Variants in RUFY3 observed in about 807,000 individuals in gnomAD.
The protein encoded by RUFY3 is protein RUFY3.
Under a neutral mutation model 84.0 loss-of-function variants are expected in RUFY3, and 34 were observed. The ratio of observed to expected loss-of-function variants is 0.40; its 90% CI spans 0.31 to 0.54. RUFY3 has a LOEUF of 0.54. Among genes scored for constraint, RUFY3 ranks in the 20% least tolerant of loss-of-function variants. The pLI, the probability that RUFY3 is intolerant of heterozygous loss-of-function variation, is 0.39. For synonymous variants in RUFY3, 242 were observed against 252.9 expected (o/e 0.96, Z 0.41); for missense variants, 507 against 736.8 (o/e 0.69, Z 3.61).
At chr4:70,719,965 A>T (rs1487361555), upstream of RUFY3, among the ~76,000 whole-genome samples, 1 of 152,192 alleles carries the variant, frequency 6.6e-6, no homozygotes, top group Non-Finnish European at 1.5e-5. Flanking sequence ...AGAGAATGAG[A>T]TAGAAATAAA....
At chr4:70,708,887 A>T (rs979528687) in intron 1 of RUFY3, among the ~76,000 whole-genome samples, 8 of 152,088 alleles carry the variant, frequency 5.3e-5, no homozygotes, top group African/African-American at 1.9e-4. Flanking sequence ...ACAAAAAAAA[A>T]ATTTTTTAAA....
intron 14 of RUFY3, among the ~76,000 whole-genome samples, chr4:70,798,567 A>G (rs1420198108): frequency 6.6e-6 from 1 of 152,112 alleles, no homozygotes; most frequent in Non-Finnish European, 1.5e-5. Flanking sequence ...GGATTGCCTG[A>G]GCCCAGGAGT....
chr4:70,740,182 A>G (rs1377836455), intron 1 of RUFY3, among the ~76,000 whole-genome samples: 1 of 151,596 alleles, frequency 6.6e-6, no homozygotes, highest in African/African-American at 2.4e-5. Context: ...CTATTGTAGT[A>G]AAGTCCTGAG....
rs142102040 is a variant in RUFY3, at chr4:70,743,108, G to A, written c.179-19411G>A. On this transcript the variant is annotated intron_variant, in intron 1 of 17. Coordinates refer to ENST00000381006, the MANE Select transcript of RUFY3 (RefSeq NM_001037442.4). The stretch of plus-strand genomic sequence containing the variant: ...TTTTGAAATGGAATCTCACTCCATC[G>A]TCCAGGCTGCGGTGCAGTGGAGCGA... Among the ~76,000 whole-genome samples, 380 of 151,960 alleles carry A rather than the reference G, an allele frequency of 2.5e-3. 1 individual carries two copies. Among genetic ancestry groups the A allele is most frequent in the African/African-American group, 8.7e-3 (362 of 41,434 alleles).
rs193119872 is a variant in RUFY3, at chr4:70,757,235, C to T, written c.179-5284C>T. Among the ~76,000 whole-genome samples the T allele has an allele frequency of 4.0e-3, 615 of 152,328 alleles. 2 individuals are homozygous for T. The highest frequency in any genetic ancestry group is 7.2e-3 in the Non-Finnish European group (492 of 68,024). ...GGGACTACAGTGAGTTGTGATCGTG[C>T]CACTGCACTCCAGCCTGGGTGATAG... On this transcript the variant is annotated intron_variant, in intron 1 of 17. Coordinates refer to ENST00000381006, the MANE Select transcript of RUFY3 (RefSeq NM_001037442.4).
intron 1 of RUFY3, among the ~76,000 whole-genome samples, chr4:70,707,222 TGA>T (rs1491440133): frequency 9.2e-5 from 14 of 152,382 alleles, no homozygotes; most frequent in Non-Finnish European, 2.1e-4. Flanking sequence ...TTCATGAGCG[TGA>T]TCTCAGTCTC....
intron 12 of RUFY3, among the ~76,000 whole-genome samples, chr4:70,790,863 T>C (rs1217043999): frequency 6.6e-6 from 1 of 152,182 alleles, no homozygotes. Flanking sequence ...TGAACAGCAG[T>C]GCATATTAAT....
chr4:70,734,339 C>G lies in RUFY3; in HGVS notation c.178+11588C>G, dbSNP rs906104102. 4 of 891,538 alleles carry G rather than the reference C, an allele frequency of 4.5e-6. No homozygotes were observed. The African/African-American group carries it at 7.2e-5, about 16-fold the overall frequency. 55.2% of individuals were successfully genotyped at this position (891,538 alleles called of 1,614,324 possible). A position where few individuals can be genotyped will look rare whatever the true frequency, so the allele number is the denominator to read the frequency against. ...TTCTTTGCTTTCACTGTGGCACACC[C>G]CCTTTTGTAATTGGCCCTTGGTGAG... On this transcript the variant is annotated intron_variant, in intron 1 of 17. Coordinates refer to ENST00000381006, the MANE Select transcript of RUFY3 (RefSeq NM_001037442.4).
At chr4:70,760,975 G>A (rs1477052101) in intron 1 of RUFY3, among the ~76,000 whole-genome samples, 1 of 152,156 alleles carries the variant, frequency 6.6e-6, no homozygotes, top group Non-Finnish European at 1.5e-5. Flanking sequence ...TTTGAAAGCA[G>A]ATATAAATAA....
At chr4:70,715,941 A>G (rs531294681) in intron 1 of RUFY3, among the ~76,000 whole-genome samples, 1 of 152,102 alleles carries the variant, frequency 6.6e-6, no homozygotes, top group South Asian at 2.1e-4. Context: ...GTGAAACCCC[A>G]TCTGTACTAA....
intron 1 of RUFY3, among the ~76,000 whole-genome samples, chr4:70,726,026 G>A (rs1336186070): frequency 6.6e-6 from 1 of 152,236 alleles, no homozygotes; most frequent in East Asian, 1.9e-4. Context: ...TGTTTGGAAT[G>A]ATCACTCTGG....
chr4:70,705,385 G>T, intron 1 of RUFY3: 1 of 973,900 alleles, frequency 1.0e-6, no homozygotes, highest in African/African-American at 1.7e-5. Context: ...TCCGCCTCCC[G>T]CGGGGTGACC....
chr4:70,737,414 T>C (rs1207264180), intron 1 of RUFY3, among the ~76,000 whole-genome samples: 10 of 152,202 alleles, frequency 6.6e-5, no homozygotes, highest in Non-Finnish European at 1.0e-4. Flanking sequence ...TAAGAGTGTA[T>C]GTGAGATGTA....
At chr4:70,762,983 A>G (rs1401601160) in intron 2 of RUFY3, among the ~76,000 whole-genome samples, 2 of 152,182 alleles carry the variant, frequency 1.3e-5, no homozygotes, top group Admixed American at 1.3e-4. Flanking sequence ...AGAATGAGAC[A>G]TGACTTGGTC....
At chr4:70,740,513 A>G (rs1721163426) in intron 1 of RUFY3, among the ~76,000 whole-genome samples, 2 of 152,194 alleles carry the variant, frequency 1.3e-5, no homozygotes. Flanking sequence ...TTCATAGGTG[A>G]CAAATAGAGT....
In RUFY3 at chr4:70,772,691, G is replaced by T. The variant is rs560185063; in HGVS notation, c.697-820G>T. Among the ~76,000 whole-genome samples, 8 of 150,086 alleles carry T rather than the reference G, an allele frequency of 5.3e-5. No homozygotes were observed. In the South Asian group the frequency reaches 1.7e-3, roughly 32 times the overall value. ...TTTATTTTTTTTGAGACGGAGTTTTGCTCTTGTTGCCCAGGCTGGAGTGCA... is the reference window on the plus strand; with the variant it reads ...TTTATTTTTTTTGAGACGGAGTTTTTCTCTTGTTGCCCAGGCTGGAGTGCA... On this transcript the variant is annotated intron_variant, in intron 5 of 17. Coordinates refer to ENST00000381006, the MANE Select transcript of RUFY3 (RefSeq NM_001037442.4).
At chr4:70,721,052 G>A (rs1215347789), upstream of RUFY3, among the ~76,000 whole-genome samples, 1 of 152,058 alleles carries the variant, frequency 6.6e-6, no homozygotes, top group African/African-American at 2.4e-5. Flanking sequence ...GGTGGCTCAC[G>A]CCTGTAATCC....
At chr4:70,721,952 A>G, upstream of RUFY3, 2 of 1,232,046 alleles carry the variant, frequency 1.6e-6, no homozygotes, top group Non-Finnish European at 2.0e-6. Flanking sequence ...CATGAGCCTG[A>G]ATTTTCAGTT....
At chr4:70,791,790 C>A (rs1682934399) in intron 12 of RUFY3, 1 of 985,884 alleles carries the variant, frequency 1.0e-6, no homozygotes, top group Non-Finnish European at 1.2e-6. Context: ...GACCATGACC[C>A]CTTTTCACTT....
Sources: allele counts gnomAD v4.1 joint callset (sites outside exome capture counted in the v4.1 genomes callset), GRCh38; gene constraint gnomAD v4.1.1; transcripts MANE v1.5; gene names NCBI Gene and HGNC (gene_info 2026-07-23, HGNC 2026-07-21).